Variants in ZBTB40 observed in about 807,000 individuals in gnomAD.
The protein encoded by ZBTB40 is zinc finger and BTB domain containing 40, also known as zinc finger and BTB domain-containing protein 40.
Under a neutral mutation model 117.5 loss-of-function variants are expected in ZBTB40, and 60 were observed. The ratio of observed to expected loss-of-function variants is 0.51; its 90% CI spans 0.41 to 0.63. The LOEUF (loss-of-function observed/expected upper bound fraction) is 0.63, where lower values mean the gene tolerates loss of function less well. Ranked by LOEUF, ZBTB40 falls within the 30% of genes least tolerant of loss-of-function variation. The probability of loss-of-function intolerance (pLI) is 0.00; values close to 1 mark genes in which losing one functional copy is unlikely to be tolerated. For synonymous variants in ZBTB40, 525 were observed against 577.1 expected, an observed-to-expected ratio of 0.91 and a Z score of 1.29; for missense variants, 1,287 against 1,498.5, an observed-to-expected ratio of 0.86 and a Z score of 2.33.
At chr1:22,524,591 AT>A in intron 17 of ZBTB40, 147 bp downstream of exon 17, 2 of 967,162 alleles carry the variant, frequency 2.1e-6, no homozygotes, top group Non-Finnish European at 3.1e-6. Flanking sequence ...AGAACAGAAA[AT>A]TCTAGTCTCC....
intron 1 of ZBTB40, among the ~76,000 whole-genome samples, chr1:22,430,189 A>G (rs1640561383): frequency 6.6e-6 from 1 of 152,186 alleles, no homozygotes; most frequent in Admixed American, 6.5e-5. Context: ...GTACATTCCT[A>G]AAATAAATGC....
At chr1:22,460,907 G>GTAAA (rs1641116697) in intron 1 of ZBTB40, among the ~76,000 whole-genome samples, 1 of 152,130 alleles carries the variant, frequency 6.6e-6, no homozygotes, top group African/African-American at 2.4e-5. Flanking sequence ...ACTGCAGACA[G>GTAAA]TAAACCCTCC....
Position 22,523,700 on chromosome 1 carries a change from C to T in ZBTB40, c.3299-518C>T, listed in dbSNP as rs114082060. Among the ~76,000 whole-genome samples the T allele has an allele frequency of 8.8e-3, 1,338 of 152,276 alleles. 10 individuals are homozygous for T. Among genetic ancestry groups the T allele is most frequent in the African/African-American group, 0.031 (1,267 of 41,526 alleles). On this transcript the variant is annotated intron_variant, in intron 16 of 17. Transcript: ENST00000375647. ...CCATTTGGTTTCCATGAGTTAAAAA[C>T]GTGCACCATTCCTGTCTTAGGGAGT...
Position 22,513,520 on chromosome 1 carries a change from G to A in ZBTB40, c.2668+390G>A, listed in dbSNP as rs1421612793. ...TTGAGACCATCCTGGCTAACATGGTGAAACCCCATCTGTACTAAAAAATAC... is the reference window on the plus strand; with the variant it reads ...TTGAGACCATCCTGGCTAACATGGTAAAACCCCATCTGTACTAAAAAATAC... On this transcript the variant is annotated intron_variant, in intron 12 of 17. Transcript: ENST00000375647. The surrounding 1 kb of genome is among the most constrained non-coding windows in gnomAD (Gnocchi z 4.9). 6.6e-6 allele frequency among the ~76,000 whole-genome samples: 1 copy of A among 151,798 alleles called. No individual in the cohort carries two copies. The highest frequency in any genetic ancestry group is 1.5e-5 in the Non-Finnish European group (1 of 67,982).
At chr1:22,464,257 C>T (rs564322706) in intron 1 of ZBTB40, among the ~76,000 whole-genome samples, 6 of 152,308 alleles carry the variant, frequency 3.9e-5, no homozygotes, top group South Asian at 2.1e-4. Context: ...GATTCGCACC[C>T]GGGTAGTCTG....
In ZBTB40 at chr1:22,526,383, G is replaced by A. The variant is rs1263598495; in HGVS notation, c.3707G>A (p.Gly1236Asp). 1.2e-6 allele frequency: 2 copies of A among 1,614,138 alleles called. No individual in the cohort carries two copies. Among genetic ancestry groups the A allele is most frequent in the Non-Finnish European group, 1.7e-6 (2 of 1,180,024 alleles). The change falls in exon 18 of 18, where the codon GGT becomes GAT. Residue 1236 changes from glycine to aspartate, a missense_variant. By Grantham distance (94) the Gly-to-Asp change is moderately conservative. This residue lies in a region of ZBTB40 where 417 missense variants were observed against 564.1 expected (regional missense o/e 0.74). Coordinates refer to ENST00000375647, the MANE Select transcript of ZBTB40 (RefSeq NM_014870.4). The part of the protein sequence containing the change: ...LLDGTVTLIC[G>D]EAK ...GATGGCACAGTGACGCTGATCTGTG[G>A]TGAGGCCAAATGAGCAGCCTTTCAT... is the stretch of plus-strand genomic sequence containing the variant.
Position 22,526,521 on chromosome 1 carries a change from C to G in ZBTB40, c.*125C>G, listed in dbSNP as rs1382833019. On this transcript the variant is annotated 3_prime_UTR_variant, in exon 18 of 18. Coordinates refer to ENST00000375647, the MANE Select transcript of ZBTB40 (RefSeq NM_014870.4). ...CATCTTAGCTTAGCACCAACCAACACAGTCTCACCTAGAAAACAGATGGAA... is the reference window on the plus strand; with the variant it reads ...CATCTTAGCTTAGCACCAACCAACAGAGTCTCACCTAGAAAACAGATGGAA... The G allele has an allele frequency of 1.5e-5, 19 of 1,237,482 alleles. No individual in the cohort carries two copies. The highest frequency in any genetic ancestry group is 2.0e-5 in the Non-Finnish European group (17 of 862,924). The allele number at this position is 1,237,482 out of a possible 1,614,324, so 76.7% of individuals were successfully genotyped here.
At chr1:22,469,383 G>A (rs1641344251) in intron 1 of ZBTB40, among the ~76,000 whole-genome samples, 1 of 151,874 alleles carries the variant, frequency 6.6e-6, no homozygotes. Context: ...TCGCAGGTGT[G>A]ATCAAAGAGC....
At chr1:22,502,244 A>G (rs536712962) in intron 4 of ZBTB40, 55 bp from the exon 5 acceptor site, 1 of 1,580,260 alleles carries the variant, frequency 6.3e-7, no homozygotes, top group African/African-American at 1.3e-5. Context: ...CCATGCTGTC[A>G]TTTTCTTCAA....
chr1:22,477,774 C>T (rs975416041), intron 1 of ZBTB40, among the ~76,000 whole-genome samples: 1 of 152,216 alleles, frequency 6.6e-6, no homozygotes, highest in African/African-American at 2.4e-5. Flanking sequence ...CCTCAAACTC[C>T]TGATCTCAAG....
intron 13 of ZBTB40, among the ~76,000 whole-genome samples, chr1:22,517,991 A>C (rs1041013023): frequency 2.6e-5 from 4 of 152,230 alleles, no homozygotes; most frequent in African/African-American, 9.6e-5. Context: ...GAGAACTGAC[A>C]CAGACAGAAA....
At position 22,490,603 on chromosome 1, in the gene ZBTB40, G is replaced by A. The variant is rs1329591923; in HGVS notation, c.655G>A (p.Val219Met). 25 of 1,613,876 alleles carry A rather than the reference G, an allele frequency of 1.5e-5. No homozygotes were observed. Among genetic ancestry groups the A allele is most frequent in the Non-Finnish European group, 2.1e-5 (25 of 1,180,044 alleles). ...TGAAGCTTGTTCCCCCTCCCCTGCTGTGCAAACCTTTAGTGAGGCAAAGAA... is the reference window on the plus strand; with the variant it reads ...TGAAGCTTGTTCCCCCTCCCCTGCTATGCAAACCTTTAGTGAGGCAAAGAA... ...TAEACSPSPA[V>M]QTFSEAKKTS... Residue 219 changes from valine to methionine, a missense_variant, in exon 2 of 18, where the codon GTG becomes ATG. Coordinates refer to ENST00000375647, the MANE Select transcript of ZBTB40 (RefSeq NM_014870.4).
intron 1 of ZBTB40, among the ~76,000 whole-genome samples, chr1:22,487,107 G>A (rs923330243): frequency 1.3e-5 from 2 of 152,102 alleles, no homozygotes; most frequent in Admixed American, 6.5e-5. Context: ...ACAGTGATTT[G>A]CCCTGTGACC....
At chr1:22,506,301 A>G (rs1193520234) in intron 6 of ZBTB40, 60 bp downstream of exon 6, 1 of 1,563,446 alleles carries the variant, frequency 6.4e-7, no homozygotes, top group East Asian at 2.2e-5. Flanking sequence ...TTGTAGCTTG[A>G]AACACCCTTT....
intron 1 of ZBTB40, among the ~76,000 whole-genome samples, chr1:22,441,473 CTTTT>C (rs71020419): frequency 1.4e-5 from 1 of 73,714 alleles, no homozygotes; most frequent in African/African-American, 4.9e-5. Flanking sequence ...TATTTGCTTT[CTTTT>C]TTTTTTTTTT....
intron 1 of ZBTB40, among the ~76,000 whole-genome samples, chr1:22,441,779 G>A (rs1409010107): frequency 1.3e-5 from 2 of 151,966 alleles, no homozygotes; most frequent in Non-Finnish European, 2.9e-5. Context: ...CACTGTGCCT[G>A]GCCATTATTA....
chr1:22,483,960 C>T (rs775431549), intron 1 of ZBTB40, among the ~76,000 whole-genome samples: 18 of 152,056 alleles, frequency 1.2e-4, no homozygotes, highest in South Asian at 2.1e-4. Context: ...TTCATTTTTT[C>T]GTATGTGAAT....
chr1:22,456,005 A>G lies in ZBTB40; in HGVS notation c.-70+4001A>G, dbSNP rs535702799. Reference sequence around the variant, plus strand: ...CCCTGAGGGAAGGCAGTGACCCCTCAGCCTCTTTCAACTCTTCAGCAGAGT... The same window carrying G: ...CCCTGAGGGAAGGCAGTGACCCCTCGGCCTCTTTCAACTCTTCAGCAGAGT... On this transcript the variant is annotated intron_variant, in intron 1 of 17. Transcript: ENST00000375647. 3.9e-5 allele frequency among the ~76,000 whole-genome samples: 6 copies of G among 152,288 alleles called. No homozygotes were observed. In the South Asian group the frequency reaches 1.2e-3, roughly 32 times the overall value.
Position 22,501,509 on chromosome 1 carries a change from C to G in ZBTB40, c.849C>G (p.Phe283Leu), listed in dbSNP as rs577900930. 8 of 1,613,920 alleles carry G rather than the reference C, an allele frequency of 5.0e-6. No individual in the cohort carries two copies. The highest frequency in any genetic ancestry group is 3.3e-5 in the South Asian group (3 of 91,080). The change falls in exon 4 of 18, where the codon TTC (phenylalanine) becomes TTG (leucine). Residue 283 changes from phenylalanine (F) to leucine (L), a missense_variant. Phe to Leu is a conservative substitution (Grantham distance 22, BLOSUM62 0). This residue lies in a region of ZBTB40 where 870 missense variants were observed against 934.4 expected (regional missense o/e 0.93). Coordinates refer to ENST00000375647, the MANE Select transcript of ZBTB40 (RefSeq NM_014870.4). The stretch of plus-strand genomic sequence containing the variant: ...TTCCATAGATGATAGTGAAATGTTT[C>G]GAGGGTGAAGGAGGACATTCAGCAT... ...GPQKEMIVKCFEGEGGHSAFQ... is the reference protein window; with the variant it reads ...GPQKEMIVKCLEGEGGHSAFQ...
Sources: gnomAD v4.1 joint callset for allele counts (sites outside exome capture counted in the v4.1 genomes callset) on GRCh38, gnomAD v4.1.1 for gene constraint, gnomAD v4.1.1 regional missense constraint, Gnocchi (gnomAD v3.1) non-coding constraint, MANE v1.5 for transcripts, NCBI Gene and HGNC (gene_info 2026-07-23, HGNC 2026-07-21) for gene names.